Variants in ANKRD55 observed in about 807,000 individuals in gnomAD.
ANKRD55 encodes ankyrin repeat domain-containing protein 55.
Under a neutral mutation model 60.6 loss-of-function variants are expected in ANKRD55, and 41 were observed. The observed-to-expected ratio is 0.68, with a 90% confidence interval of 0.53 to 0.88. The LOEUF (loss-of-function observed/expected upper bound fraction) is 0.88. Ranked by LOEUF, ANKRD55 falls within the 40% of genes least tolerant of loss-of-function variation. The pLI, the probability that ANKRD55 is intolerant of heterozygous loss-of-function variation, is 0.00. For synonymous variants in ANKRD55, 264 were observed against 290.3 expected, an observed-to-expected ratio of 0.91 and a Z score of 0.92; for missense variants, 732 against 767.6, an observed-to-expected ratio of 0.95 and a Z score of 0.55.
intron 6 of ANKRD55, among the ~76,000 whole-genome samples, chr5:56,144,322 T>A (rs1368803805): frequency 6.6e-6 from 1 of 152,162 alleles, no homozygotes; most frequent in Non-Finnish European, 1.5e-5. Context: ...AACAGGCCTC[T>A]GAAAGAAGAA....
At position 56,120,159 on chromosome 5, in the gene ANKRD55, C is replaced by T. The variant is rs1431271082; in HGVS notation, c.798-3377G>A. On this transcript the variant is annotated intron_variant, in intron 8 of 11. Coordinates refer to ENST00000341048, the MANE Select transcript of ANKRD55 (RefSeq NM_024669.3). Reference sequence around the variant, plus strand: ...TCAAGCTATTCTCCTGCCTCAGCCTCCCGAGTAGCTGGGATTACAGGCACG... The same window carrying T: ...TCAAGCTATTCTCCTGCCTCAGCCTTCCGAGTAGCTGGGATTACAGGCACG... Among the ~76,000 whole-genome samples the T allele has an allele frequency of 3.9e-5, 6 of 152,098 alleles. No homozygotes were observed. In the East Asian group the frequency reaches 1.2e-3, roughly 30 times the overall value.
At chr5:56,221,818 A>C (rs1033297616) in intron 2 of ANKRD55, among the ~76,000 whole-genome samples, 4 of 152,228 alleles carry the variant, frequency 2.6e-5, no homozygotes, top group Non-Finnish European at 4.4e-5. Flanking sequence ...GCCATTGCTG[A>C]GGCTTGAGTA....
chr5:56,206,886 G>T (rs1437816405), intron 2 of ANKRD55, among the ~76,000 whole-genome samples: 1 of 152,338 alleles, frequency 6.6e-6, no homozygotes, highest in East Asian at 1.9e-4. Flanking sequence ...TCAGGGATTA[G>T]GACAGTGGCA....
rs751659764 is a variant in ANKRD55, at chr5:56,183,676, G to A, written c.59-42C>T. 4.4e-6 allele frequency: 7 copies of A among 1,602,578 alleles called. No individual in the cohort carries two copies. The East Asian group carries it at 1.1e-4, about 26-fold the overall frequency. Reference sequence around the variant, plus strand: ...GACACAATGTTAGTGTGTGGAGCCAGTTCACTGAAAGAATAACAATACCCA... The same window carrying A: ...GACACAATGTTAGTGTGTGGAGCCAATTCACTGAAAGAATAACAATACCCA... On this transcript the variant is annotated intron_variant, in intron 2 of 11. Coordinates refer to ENST00000341048, the MANE Select transcript of ANKRD55 (RefSeq NM_024669.3).
chr5:56,190,064 C>T (rs559285906), intron 2 of ANKRD55, among the ~76,000 whole-genome samples: 2 of 152,244 alleles, frequency 1.3e-5, no homozygotes, highest in African/African-American at 2.4e-5. Context: ...TTTTGATTTG[C>T]ATTTCTCTAA....
In ANKRD55 at chr5:56,188,515, C is replaced by A. The variant is rs576787352; in HGVS notation, c.59-4881G>T. Among the ~76,000 whole-genome samples the A allele has an allele frequency of 1.7e-4, 26 of 152,248 alleles. No homozygotes were observed. In the East Asian group the frequency reaches 1.9e-3, roughly 11 times the overall value. ...TTTGTATATGGTGAGAGATAGGGGT[C>A]TAGTTTTATTCTTCTGCATATAGAT... On this transcript the variant is annotated intron_variant, in intron 2 of 11. Coordinates refer to ENST00000341048, the MANE Select transcript of ANKRD55 (RefSeq NM_024669.3).
intron 7 of ANKRD55, among the ~76,000 whole-genome samples, chr5:56,143,350 C>G (rs189893857): frequency 6.6e-6 from 1 of 152,226 alleles, no homozygotes. Flanking sequence ...GACGTGGACT[C>G]CCTTATGTGA....
intron 2 of ANKRD55, among the ~76,000 whole-genome samples, chr5:56,225,590 G>A (rs149354): frequency 1.3e-4 from 20 of 151,854 alleles, no homozygotes; most frequent in African/African-American, 4.1e-4. Flanking sequence ...AAACCCCATC[G>A]TCTCAGCCCC....
At position 56,133,819 on chromosome 5, in the gene ANKRD55, TACAG is replaced by T. The variant is rs1475142018; in HGVS notation, c.613-6717_613-6714del. 1.7e-5 allele frequency among the ~76,000 whole-genome samples: 2 copies of T among 115,010 alleles called. 1 individual carries two copies. Among genetic ancestry groups the T allele is most frequent in the African/African-American group, 5.7e-5 (2 of 35,338 alleles). The allele number at this position is 115,010 out of a possible 152,430, so 75.5% of individuals were successfully genotyped here. ...AAAAACAATTTCTCAGAAGAAAATT[TACAG>T]CTTTGAATGTATATATTAAAAAAGA... On this transcript the variant is annotated intron_variant, in intron 7 of 11. Coordinates refer to ENST00000341048, the MANE Select transcript of ANKRD55 (RefSeq NM_024669.3).
At chr5:56,231,653 GCACA>G (rs34225686) in intron 2 of ANKRD55, among the ~76,000 whole-genome samples, 7,419 of 147,896 alleles carry the variant, frequency 0.05, 208 homozygotes, top group Non-Finnish European at 0.059. Flanking sequence ...CTGAAGGCGC[GCACA>G]CACACACACA....
At chr5:56,154,084 G>A (rs1758129523) in intron 6 of ANKRD55, among the ~76,000 whole-genome samples, 1 of 150,670 alleles carries the variant, frequency 6.6e-6, no homozygotes, top group Admixed American at 6.6e-5. Context: ...GTGGTGACGG[G>A]TGCCTGTAGT....
At chr5:56,138,927 T>C (rs1055715476) in intron 7 of ANKRD55, among the ~76,000 whole-genome samples, 1 of 152,164 alleles carries the variant, frequency 6.6e-6, no homozygotes, top group East Asian at 1.9e-4. Flanking sequence ...TATACCTTTG[T>C]CCAATTCCAC....
At chr5:56,153,621 C>T (rs937482415) in intron 6 of ANKRD55, among the ~76,000 whole-genome samples, 11 of 151,910 alleles carry the variant, frequency 7.2e-5, no homozygotes, top group Admixed American at 3.9e-4. Flanking sequence ...AGGTGGATCA[C>T]GAGGTCAGGA....
intron 3 of ANKRD55, among the ~76,000 whole-genome samples, chr5:56,177,670 G>GGATCCC: frequency 6.6e-6 from 1 of 152,208 alleles, no homozygotes; most frequent in East Asian, 1.9e-4. Context: ...AGCTACTCAG[G>GGATCCC]AGGCTGAGGC....
At chr5:56,170,883 T>C (rs1039400593) in intron 4 of ANKRD55, 80 bp from the exon 5 acceptor site, 1 of 1,330,972 alleles carries the variant, frequency 7.5e-7, no homozygotes, top group Non-Finnish European at 1.1e-6. Flanking sequence ...TAGATTTTTT[T>C]CCCTTTCTCT....
intron 2 of ANKRD55, among the ~76,000 whole-genome samples, chr5:56,215,312 C>T (rs1355188317): frequency 6.6e-6 from 1 of 152,172 alleles, no homozygotes; most frequent in Non-Finnish European, 1.5e-5. Context: ...CCCTTTTAAC[C>T]TCTTTCTCCT....
At chr5:56,171,557 C>A (rs930284617) in intron 4 of ANKRD55, among the ~76,000 whole-genome samples, 4 of 152,280 alleles carry the variant, frequency 2.6e-5, no homozygotes, top group African/African-American at 9.6e-5. Context: ...TTTAACTGAC[C>A]CATACCTATT....
At chr5:56,220,094 G>C (rs1478641444) in intron 2 of ANKRD55, among the ~76,000 whole-genome samples, 1 of 152,198 alleles carries the variant, frequency 6.6e-6, no homozygotes, top group African/African-American at 2.4e-5. Context: ...GAAACATCAG[G>C]GTTGATTCAG....
At chr5:56,113,712 G>A (rs988406842) in intron 9 of ANKRD55, among the ~76,000 whole-genome samples, 18 of 152,064 alleles carry the variant, frequency 1.2e-4, no homozygotes, top group Non-Finnish European at 2.5e-4. Context: ...GGGAATGGGA[G>A]GTGTAGGTCG....
Sources: gnomAD v4.1 joint callset for allele counts (sites outside exome capture counted in the v4.1 genomes callset) on GRCh38, gnomAD v4.1.1 for gene constraint, MANE v1.5 for transcripts, NCBI Gene and HGNC (gene_info 2026-07-23, HGNC 2026-07-21) for gene names.